BUB1B: variants seen among roughly 807,000 people sequenced by gnomAD.
BUB1B encodes BUB1 mitotic checkpoint serine/threonine kinase B, also known as mitotic checkpoint serine/threonine-protein kinase BUB1 beta.
Under a neutral mutation model 137.7 loss-of-function variants are expected in BUB1B, and 86 were observed. The observed-to-expected ratio is 0.62, with a 90% CI of 0.52 to 0.75. The LOEUF is 0.75. Ranked by LOEUF, BUB1B falls within the 30% of genes least tolerant of loss-of-function variation. The pLI is 0.00. For synonymous variants in BUB1B, 420 were observed against 417.9 expected (o/e 1.00, Z -0.06); for missense variants, 1,130 against 1,236.9 (o/e 0.91, Z 1.30).
chr15:40,203,398 GA>G (rs1213405265), intron 14 of BUB1B, among the ~76,000 whole-genome samples: 1 of 152,204 alleles, frequency 6.6e-6, no homozygotes, highest in Non-Finnish European at 1.5e-5. Context: ...GGGTGGTGGA[GA>G]GTGACTGCTA....
In BUB1B at chr15:40,202,422, T is replaced by A; in HGVS notation, c.1585T>A (p.Ser529Thr). 1 of 1,611,764 alleles carries A rather than the reference T, an allele frequency of 6.2e-7. No individual in the cohort carries two copies. The highest frequency in any genetic ancestry group is 8.5e-7 in the Non-Finnish European group (1 of 1,179,108). Residue 529 changes from serine (S) to threonine (T), a missense_variant, in exon 13 of 23, where the codon TCC becomes ACC. By Grantham distance (58) the Ser-to-Thr change is moderately conservative. Transcript: ENST00000287598. ...PHSKGPSVPF[S>T]IFDEFLLSEK... ...TTCTCTAGGTCCCAGTGTACCTTTCTCCATTTTTGATGAGTTTCTTCTTTC... is the reference window on the plus strand; with the variant it reads ...TTCTCTAGGTCCCAGTGTACCTTTCACCATTTTTGATGAGTTTCTTCTTTC...
At chr15:40,171,237 C>T (rs1332225075) in intron 4 of BUB1B, among the ~76,000 whole-genome samples, 2 of 152,176 alleles carry the variant, frequency 1.3e-5, no homozygotes, top group African/African-American at 2.4e-5. Flanking sequence ...ACCCCTAGTC[C>T]GGATTACTTA....
intron 9 of BUB1B, 117 bp from the exon 10 acceptor site, chr15:40,199,498 A>T: frequency 5.2e-6 from 4 of 772,572 alleles, no homozygotes; most frequent in Admixed American, 2.1e-5. Flanking sequence ...TATTCCACTT[A>T]AATCATTTTC....
At position 40,185,656 on chromosome 15, in the gene BUB1B, T is replaced by G. The variant is rs769092419; in HGVS notation, c.1058+14T>G. The G allele has an allele frequency of 3.1e-6, 5 of 1,606,938 alleles. No homozygotes were observed. In the South Asian group the frequency reaches 5.5e-5, roughly 18 times the overall value. On this transcript the variant is annotated intron_variant, in intron 8 of 22. Coordinates refer to ENST00000287598, the MANE Select transcript of BUB1B (RefSeq NM_001211.6). The stretch of plus-strand genomic sequence containing the variant: ...ACAGCCAGTTATGTGAGTGTGGTTT[T>G]TGGATATTTTGAAGTGGGAATTATT...
chr15:40,192,860 G>C (rs893815091), intron 8 of BUB1B, among the ~76,000 whole-genome samples: 3 of 152,144 alleles, frequency 2.0e-5, no homozygotes, highest in African/African-American at 7.2e-5. Context: ...TCATGTGCAG[G>C]TTTGTTTGTT....
chr15:40,193,326 G>A (rs189704167), intron 8 of BUB1B, among the ~76,000 whole-genome samples: 1 of 152,018 alleles, frequency 6.6e-6, no homozygotes, highest in East Asian at 1.9e-4. Context: ...ATTCAGTGTT[G>A]TCAATATTTT....
intron 15 of BUB1B, among the ~76,000 whole-genome samples, chr15:40,206,863 G>A (rs1473318938): frequency 6.6e-6 from 1 of 152,208 alleles, no homozygotes; most frequent in Non-Finnish European, 1.5e-5. Flanking sequence ...AGGCTGGAGT[G>A]CAGTGGCACT....
At chr15:40,187,222 T>G (rs1005086378) in intron 8 of BUB1B, among the ~76,000 whole-genome samples, 3 of 151,796 alleles carry the variant, frequency 2.0e-5, no homozygotes, top group African/African-American at 7.2e-5. Flanking sequence ...ACCTCCCAGG[T>G]TCACGCCATT....
At position 40,178,584 on chromosome 15, in the gene BUB1B, T is replaced by A. The variant is rs555388475; in HGVS notation, c.581+1911T>A. 8.9e-4 allele frequency among the ~76,000 whole-genome samples: 135 copies of A among 152,264 alleles called. 1 individual carries two copies. Among genetic ancestry groups the A allele is most frequent in the Non-Finnish European group, 1.7e-3 (118 of 67,944 alleles). On this transcript the variant is annotated intron_variant, in intron 5 of 22. Transcript: ENST00000287598. ...TAAATATAATTTAGGGCAAGTTGAC[T>A]GGTAGTCTGTTCTGGTCTTCTGTAT... is the stretch of plus-strand genomic sequence containing the variant.
intron 4 of BUB1B, among the ~76,000 whole-genome samples, chr15:40,172,582 G>T (rs140329706): frequency 5.3e-5 from 8 of 152,242 alleles, no homozygotes; most frequent in Admixed American, 1.3e-4. Context: ...CTTCATCCTC[G>T]TCTTCACATT....
In BUB1B at chr15:40,161,236, A is replaced by G; in HGVS notation, c.16A>G (p.Lys6Glu). The G allele has an allele frequency of 6.2e-7, 1 of 1,613,292 alleles. No individual in the cohort carries two copies. The highest frequency in any genetic ancestry group is 1.1e-5 in the South Asian group (1 of 90,868). Residue 6 changes from lysine (K) to glutamate (E), a missense_variant, in exon 1 of 23, where the codon AAG becomes GAG. Physicochemically the swap from Lys to Glu is moderately conservative, Grantham distance 56. Transcript: ENST00000287598. ...GGAATGCAGGATGGCGGCGGTGAAG[A>G]AGGAAGGGGGTGCTCTGAGGTAGGT... is the stretch of plus-strand genomic sequence containing the variant. MAAVKKEGGALSEAMS... is the reference protein window; with the variant it reads MAAVKEEGGALSEAMS...
intron 8 of BUB1B, among the ~76,000 whole-genome samples, chr15:40,195,155 C>T (rs1469716197): frequency 6.6e-6 from 1 of 151,870 alleles, no homozygotes; most frequent in Admixed American, 6.6e-5. Context: ...TCCCCCAAAT[C>T]CCCAAAGTCC....
At chr15:40,181,378 A>G (rs1433291782) in intron 5 of BUB1B, among the ~76,000 whole-genome samples, 1 of 152,222 alleles carries the variant, frequency 6.6e-6, no homozygotes, top group African/African-American at 2.4e-5. Context: ...GGCGTGAACC[A>G]CCACGCCTGG....
In BUB1B at chr15:40,220,706, G is replaced by T; in HGVS notation, c.3100G>T (p.Ala1034Ser). The T allele has an allele frequency of 2.5e-6, 4 of 1,614,178 alleles. No individual in the cohort carries two copies. The highest frequency in any genetic ancestry group is 3.4e-6 in the Non-Finnish European group (4 of 1,180,040). ...DTTFQSHLNK[A>S]LWKVGKLTSP... ...TACATTCCAAAGTCACCTGAACAAA[G>T]CCTTATGGAAGGTAGGGAAGTTAAC... The change falls in exon 23 of 23, where the codon GCC (alanine) becomes TCC (serine). Residue 1034 changes from alanine (A) to serine (S), a missense_variant. Transcript: ENST00000287598.
At chr15:40,191,339 T>C (rs1270840283) in intron 8 of BUB1B, among the ~76,000 whole-genome samples, 1 of 152,254 alleles carries the variant, frequency 6.6e-6, no homozygotes, top group Non-Finnish European at 1.5e-5. Flanking sequence ...TTGTTGAGTT[T>C]AAGAGTCTTT....
intron 19 of BUB1B, 138 bp from the exon 20 acceptor site, chr15:40,213,194 A>G (rs2037735527): frequency 1.2e-6 from 1 of 832,092 alleles, no homozygotes; most frequent in South Asian, 1.5e-5. Context: ...AAACTGGGAC[A>G]TAGACTCAGT....
intron 18 of BUB1B, 53 bp from the exon 19 acceptor site, chr15:40,212,446 A>G: frequency 7.0e-7 from 1 of 1,438,144 alleles, no homozygotes. Flanking sequence ...TCAACCTGCC[A>G]GCCATAACCA....
chr15:40,169,579 A>G (rs2037137247), intron 2 of BUB1B, among the ~76,000 whole-genome samples: 1 of 124,468 alleles, frequency 8.0e-6, no homozygotes, highest in Non-Finnish European at 1.8e-5. Flanking sequence ...CTCTCTTCTT[A>G]TGTTAAGTAG....
chr15:40,170,259 C>T, intron 3 of BUB1B, 138 bp downstream of exon 3: 1 of 858,028 alleles, frequency 1.2e-6, no homozygotes, highest in South Asian at 1.5e-5. Flanking sequence ...CCAGAATAAT[C>T]ATAATATATC....
Sources: allele counts gnomAD v4.1 joint callset (sites outside exome capture counted in the v4.1 genomes callset), GRCh38; gene constraint gnomAD v4.1.1; transcripts MANE v1.5; gene names NCBI Gene and HGNC (gene_info 2026-07-23, HGNC 2026-07-21).